Variants in UGT1A4 observed in about 807,000 individuals in gnomAD.
UGT1A4 encodes UDP glucuronosyltransferase family 1 member A4, also known as UDP-glucuronosyltransferase 1A4.
Under a neutral mutation model 41.1 loss-of-function variants are expected in UGT1A4, and 32 were observed. The ratio of observed to expected loss-of-function variants is 0.78; its 90% CI spans 0.59 to 1.05. The LOEUF is 1.05. UGT1A4 is among the 50% of genes least tolerant of loss of function. The pLI, the probability that UGT1A4 is intolerant of heterozygous loss-of-function variation, is 0.00. For synonymous variants in UGT1A4, 283 were observed against 265.1 expected (o/e 1.07, Z -0.66); for missense variants, 748 against 677.4 (o/e 1.10, Z -1.16).
intron 1 of UGT1A4, among the ~76,000 whole-genome samples, chr2:233,725,299 C>G (rs59772713): frequency 6.9e-5 from 3 of 43,506 alleles, no homozygotes; most frequent in African/African-American, 2.7e-4. Flanking sequence ...GAGGCAGAGG[C>G]AGAGGCAGAG....
At chr2:233,744,380 A>G (rs1168834333) in intron 1 of UGT1A4, among the ~76,000 whole-genome samples, 1 of 151,890 alleles carries the variant, frequency 6.6e-6, no homozygotes, top group Non-Finnish European at 1.5e-5. Context: ...GCAGTTCTCC[A>G]ACGTTCCAGC....
chr2:233,743,431 C>G (rs755334550), intron 1 of UGT1A4: 1 of 1,354,434 alleles, frequency 7.4e-7, no homozygotes, highest in East Asian at 4.7e-5. Flanking sequence ...GCCAAAGGAA[C>G]GAAATCCTGT....
intron 1 of UGT1A4, among the ~76,000 whole-genome samples, chr2:233,734,927 C>T (rs1223344443): frequency 1.3e-5 from 2 of 152,170 alleles, no homozygotes; most frequent in Non-Finnish European, 2.9e-5. Context: ...GAGTGCTTTA[C>T]TTACAATCAT....
chr2:233,769,511 C>T lies in UGT1A4; in HGVS notation c.1307+1072C>T. On this transcript the variant is annotated intron_variant, in intron 4 of 4. Coordinates refer to ENST00000373409, the MANE Select transcript of UGT1A4 (RefSeq NM_007120.3). This position sits in a 1 kb window ranked among gnomAD's most constrained non-coding sequence, Gnocchi z 4.4. ...TTTATGAGAGTGTCCATTGCTTTCT[C>T]CCATGGTTACCTCCTTTAGAAAGAA... 6.2e-7 allele frequency: 1 copy of T among 1,612,794 alleles called. No individual in the cohort carries two copies. The highest frequency in any genetic ancestry group is 8.5e-7 in the Non-Finnish European group (1 of 1,179,854).
chr2:233,750,021 A>C (rs894423402), intron 1 of UGT1A4, among the ~76,000 whole-genome samples: 1 of 151,886 alleles, frequency 6.6e-6, no homozygotes, highest in African/African-American at 2.4e-5. Context: ...AGAGTGGAGT[A>C]CTGCTATAAA....
chr2:233,726,251 G>A (rs1242406933), intron 1 of UGT1A4, among the ~76,000 whole-genome samples: 1 of 152,170 alleles, frequency 6.6e-6, no homozygotes, highest in African/African-American at 2.4e-5. Flanking sequence ...TGAAAAGCTG[G>A]GTGCAGTGGC....
At position 233,767,899 on chromosome 2, in the gene UGT1A4, G is replaced by T; in HGVS notation, c.1050G>T (p.Thr350=). Residue 350 remains threonine (T), a synonymous_variant, in exon 3 of 5, where the codon ACG becomes ACT. Transcript: ENST00000373409. The part of the protein sequence containing the change: ...GTRPSNLANN[T]ILVKWLPQND... ...GACCATCGAATCTTGCGAACAACAC[G>T]ATACTTGTTAAGTGGCTACCCCAAA... 1 of 1,614,142 alleles carries T rather than the reference G, an allele frequency of 6.2e-7. No individual in the cohort carries two copies. The highest frequency in any genetic ancestry group is 8.5e-7 in the Non-Finnish European group (1 of 1,180,040).
At chr2:233,766,650 A>G (rs1364133681) in intron 1 of UGT1A4, among the ~76,000 whole-genome samples, 3 of 152,158 alleles carry the variant, frequency 2.0e-5, no homozygotes, top group African/African-American at 7.2e-5. Context: ...TATCATTTAA[A>G]GGGACCACGC....
intron 2 of UGT1A4, 121 bp downstream of exon 2, chr2:233,767,286 C>T (rs967346318): frequency 1.9e-6 from 3 of 1,568,700 alleles, no homozygotes; most frequent in Non-Finnish European, 2.6e-6. Flanking sequence ...CCTGCCACTT[C>T]CCAACTATTA....
intron 1 of UGT1A4, among the ~76,000 whole-genome samples, chr2:233,751,432 G>T (rs1313513130): frequency 6.6e-6 from 1 of 152,164 alleles, no homozygotes; most frequent in Non-Finnish European, 1.5e-5. Flanking sequence ...GCTGAAATGA[G>T]TTAAGACTTT....
chr2:233,743,680 G>A (rs555741522), intron 1 of UGT1A4: 52 of 1,367,218 alleles, frequency 3.8e-5, no homozygotes, highest in East Asian at 3.2e-4. Flanking sequence ...AGGGCCTGCC[G>A]CCTGTGCAGC....
At chr2:233,746,220 C>T (rs753695127) in intron 1 of UGT1A4, among the ~76,000 whole-genome samples, 8 of 151,652 alleles carry the variant, frequency 5.3e-5, no homozygotes, top group African/African-American at 2.0e-4. Context: ...ATAGCAAGGA[C>T]AGATATGCAA....
At chr2:233,754,192 G>A (rs1695415440) in intron 1 of UGT1A4, 1 of 162,150 alleles carries the variant, frequency 6.2e-6, no homozygotes. Flanking sequence ...CCACCACACA[G>A]TAAAACATTG....
chr2:233,756,691 G>A (rs1044916114), intron 1 of UGT1A4, among the ~76,000 whole-genome samples: 1 of 152,108 alleles, frequency 6.6e-6, no homozygotes, highest in Non-Finnish European at 1.5e-5. Flanking sequence ...ATATAATGAC[G>A]ATGAATTTTG....
rs759057764 is a variant in UGT1A4 at position 233,719,653 on chromosome 2, G to C, written c.833G>C (p.Gly278Ala). The change falls in exon 1 of 5, where the codon GGC (glycine) becomes GCC (alanine). Residue 278 changes from glycine to alanine, a missense_variant. Transcript: ENST00000373409. ...PIMPNMVFIGGINCANGKPLS... is the reference protein window; with the variant it reads ...PIMPNMVFIGAINCANGKPLS... ...ATGCCCAACATGGTCTTCATTGGGG[G>C]CATCAACTGTGCCAACGGGAAGCCA... 6.2e-7 allele frequency: 1 copy of C among 1,613,960 alleles called. No individual in the cohort carries two copies. The highest frequency in any genetic ancestry group is 1.3e-5 in the African/African-American group (1 of 74,916).
chr2:233,750,128 G>T (rs1357269719), intron 1 of UGT1A4, among the ~76,000 whole-genome samples: 9 of 151,932 alleles, frequency 5.9e-5, no homozygotes, highest in African/African-American at 1.7e-4. Context: ...ATGTGGGAAA[G>T]TTTGGAACTT....
At chr2:233,725,753 T>TA (rs1238799010) in intron 1 of UGT1A4, among the ~76,000 whole-genome samples, 1 of 152,188 alleles carries the variant, frequency 6.6e-6, no homozygotes, top group Non-Finnish European at 1.5e-5. Context: ...GTAAGAGACT[T>TA]ACATTTTCTT....
intron 1 of UGT1A4, chr2:233,721,958 T>G (rs1019099547): frequency 6.3e-6 from 2 of 316,544 alleles, no homozygotes; most frequent in Non-Finnish European, 1.3e-5. Flanking sequence ...TCTTTGTATA[T>G]GCATACATTG....
chr2:233,758,658 T>A lies in UGT1A4; in HGVS notation c.868-8376T>A, dbSNP rs188603135. 5.3e-5 allele frequency among the ~76,000 whole-genome samples: 8 copies of A among 152,318 alleles called. No individual in the cohort carries two copies. In the East Asian group the frequency reaches 1.5e-3, roughly 29 times the overall value. ...TAAGGAGAAGAATGAGAGGGTACCCTAATTACCTGTTAATATGTCCCATAG... is the reference window on the plus strand; with the variant it reads ...TAAGGAGAAGAATGAGAGGGTACCCAAATTACCTGTTAATATGTCCCATAG... On this transcript the variant is annotated intron_variant, in intron 1 of 4. Coordinates refer to ENST00000373409, the MANE Select transcript of UGT1A4 (RefSeq NM_007120.3).
Sources: allele counts gnomAD v4.1 joint callset (sites outside exome capture counted in the v4.1 genomes callset), GRCh38; gene constraint gnomAD v4.1.1; non-coding constraint Gnocchi (gnomAD v3.1); transcripts MANE v1.5; gene names NCBI Gene and HGNC (gene_info 2026-07-23, HGNC 2026-07-21).